Variants in PARD3B observed in about 807,000 individuals in gnomAD.
PARD3B encodes partitioning defective 3 homolog B.
Under a neutral mutation model 130.2 loss-of-function variants are expected in PARD3B, and 103 were observed. The ratio of observed to expected loss-of-function variants is 0.79; its 90% confidence interval spans 0.67 to 0.93. PARD3B has a LOEUF of 0.93. PARD3B is among the 40% of genes least tolerant of loss of function. The probability of loss-of-function intolerance (pLI) is 0.00; values close to 1 mark genes in which losing one functional copy is unlikely to be tolerated. For missense variants in PARD3B, 1,609 were observed against 1,499.2 expected (o/e 1.07, Z -1.21); for synonymous variants, 583 against 553.2 (o/e 1.05, Z -0.76).
intron 1 of PARD3B, among the ~76,000 whole-genome samples, chr2:204,610,000 CTA>C (rs762599321): frequency 2.5e-4 from 38 of 152,200 alleles, no homozygotes; most frequent in African/African-American, 7.9e-4. Context: ...ACATGTGACT[CTA>C]TACCAGAGTC....
At chr2:205,443,429 C>G (rs570097322) in intron 20 of PARD3B, among the ~76,000 whole-genome samples, 16 of 152,224 alleles carry the variant, frequency 1.1e-4, no homozygotes, top group African/African-American at 3.9e-4. Flanking sequence ...GAAACAGTCC[C>G]AGGCCAGAAG....
At chr2:205,391,865 T>C (rs1290419468) in intron 18 of PARD3B, among the ~76,000 whole-genome samples, 2 of 152,182 alleles carry the variant, frequency 1.3e-5, no homozygotes, top group Non-Finnish European at 2.9e-5. Context: ...TTTCCCTTTT[T>C]TTCCCCCTAA....
Position 204,636,741 on chromosome 2 carries a change from GC to G in PARD3B, c.121-49439del, listed in dbSNP as rs200765690. ...CCAGCCTAGCTTTTTTTATACTTAG[GC>G]TTCTTTCTAACTTTTCTTCCCATGT... On this transcript the variant is annotated intron_variant, in intron 1 of 22. Coordinates refer to ENST00000406610, the MANE Select transcript of PARD3B (RefSeq NM_001302769.2). Among the ~76,000 whole-genome samples, 1,229 of 151,908 alleles carry G rather than the reference GC, an allele frequency of 8.1e-3. 10 individuals are homozygous for G. Among genetic ancestry groups the G allele is most frequent in the African/African-American group, 0.027 (1,115 of 41,410 alleles).
chr2:205,190,432 G>A (rs2036332376), intron 14 of PARD3B, among the ~76,000 whole-genome samples: 1 of 152,174 alleles, frequency 6.6e-6, no homozygotes, highest in Admixed American at 6.5e-5. Context: ...TGCATGATGT[G>A]CACCATTCTA....
chr2:205,363,604 A>G (rs1054807101), intron 18 of PARD3B, among the ~76,000 whole-genome samples: 2 of 152,268 alleles, frequency 1.3e-5, no homozygotes, highest in Non-Finnish European at 2.9e-5. Context: ...AAACACACAG[A>G]GAAAAACCGA....
chr2:205,228,676 C>G (rs569063760), intron 15 of PARD3B, among the ~76,000 whole-genome samples: 2 of 152,086 alleles, frequency 1.3e-5, no homozygotes, highest in East Asian at 3.9e-4. Context: ...AAAAATTTAC[C>G]CTTTGGGTAA....
intron 21 of PARD3B, among the ~76,000 whole-genome samples, chr2:205,512,918 G>C (rs1371148088): frequency 2.0e-5 from 3 of 149,948 alleles, no homozygotes; most frequent in Non-Finnish European, 4.4e-5. Context: ...CTAATTGGCA[G>C]AGCCACAGCT....
chr2:205,528,704 A>T, intron 21 of PARD3B, among the ~76,000 whole-genome samples: 1 of 152,000 alleles, frequency 6.6e-6, no homozygotes, highest in Non-Finnish European at 1.5e-5. Flanking sequence ...GTTGGCCAGG[A>T]TGGTCTCAAT....
At chr2:205,141,903 A>G (rs2032988414) in intron 10 of PARD3B, among the ~76,000 whole-genome samples, 2 of 152,224 alleles carry the variant, frequency 1.3e-5, no homozygotes, top group African/African-American at 4.8e-5. Context: ...AACGTGGCAC[A>G]TACTGAGCTA....
intron 2 of PARD3B, among the ~76,000 whole-genome samples, chr2:204,736,987 G>A (rs1374976347): frequency 6.6e-6 from 1 of 152,084 alleles, no homozygotes; most frequent in Non-Finnish European, 1.5e-5. Flanking sequence ...TGCCCTTGTT[G>A]CCCAGGCTGG....
chr2:204,562,711 T>G (rs969333733), intron 1 of PARD3B, among the ~76,000 whole-genome samples: 2 of 152,166 alleles, frequency 1.3e-5, no homozygotes, highest in African/African-American at 4.8e-5. Flanking sequence ...CTTGCCTCTG[T>G]ATTTATAGAC....
chr2:205,207,088 G>T (rs2125839132), intron 15 of PARD3B, among the ~76,000 whole-genome samples: 1 of 143,394 alleles, frequency 7.0e-6, no homozygotes, highest in South Asian at 2.2e-4. Context: ...CAACTACATG[G>T]AAACTGAACA....
Position 205,204,088 on chromosome 2 carries a change from A to G in PARD3B, c.2140+10768A>G, listed in dbSNP as rs565471035. On this transcript the variant is annotated intron_variant, in intron 15 of 22. Transcript: ENST00000406610. ...CCACCAACAATGTAAAAGTATTCCT[A>G]TTTCTCCACATCTTCTCCAGCATCT... 4.6e-5 allele frequency among the ~76,000 whole-genome samples: 7 copies of G among 152,216 alleles called. No individual in the cohort carries two copies. In the East Asian group the frequency reaches 1.2e-3, roughly 25 times the overall value.
chr2:204,672,064 C>A (rs1489414130), intron 1 of PARD3B, among the ~76,000 whole-genome samples: 1 of 152,070 alleles, frequency 6.6e-6, no homozygotes, highest in Non-Finnish European at 1.5e-5. Flanking sequence ...GCTTCCCTCC[C>A]ACTGTATTTA....
rs1477313782 is a variant in PARD3B, at chr2:205,470,801, A to G, written c.3045-29095A>G. Among the ~76,000 whole-genome samples, 6 of 152,160 alleles carry G rather than the reference A, an allele frequency of 3.9e-5. No homozygotes were observed. The highest frequency in any genetic ancestry group is 1.4e-4 in the African/African-American group (6 of 41,446). ...AGTCATGTTTGACTCTATTAGGAAA[A>G]ATTCTATGGAGTTTACAATAGAATC... On this transcript the variant is annotated intron_variant, in intron 20 of 22. Transcript: ENST00000406610. The surrounding 1 kb of genome is among the most constrained non-coding windows in gnomAD (Gnocchi z 4.8).
At chr2:205,533,305 G>T (rs1256486334) in intron 21 of PARD3B, among the ~76,000 whole-genome samples, 8 of 152,160 alleles carry the variant, frequency 5.3e-5, no homozygotes, top group African/African-American at 1.9e-4. Flanking sequence ...ACACCCCAGT[G>T]CCCAGATAAG....
chr2:204,731,908 ACT>A (rs975442315), intron 2 of PARD3B, among the ~76,000 whole-genome samples: 3 of 151,788 alleles, frequency 2.0e-5, no homozygotes, highest in African/African-American at 7.3e-5. Flanking sequence ...AATTACCTGA[ACT>A]CTCTAACACC....
intron 13 of PARD3B, among the ~76,000 whole-genome samples, chr2:205,178,800 C>T (rs1443668399): frequency 2.0e-5 from 3 of 152,156 alleles, no homozygotes; most frequent in African/African-American, 4.8e-5. Flanking sequence ...TGGTCAACAA[C>T]AGACCACATA....
At chr2:204,692,690 C>G (rs1371947820) in intron 2 of PARD3B, among the ~76,000 whole-genome samples, 1 of 151,874 alleles carries the variant, frequency 6.6e-6, no homozygotes, top group Non-Finnish European at 1.5e-5. Flanking sequence ...GTTATAAAAG[C>G]ACAAAAGCAC....
Sources: allele counts gnomAD v4.1 joint callset (sites outside exome capture counted in the v4.1 genomes callset), GRCh38; gene constraint gnomAD v4.1.1; non-coding constraint Gnocchi (gnomAD v3.1); transcripts MANE v1.5; gene names NCBI Gene and HGNC (gene_info 2026-07-23, HGNC 2026-07-21).